The following TULP2 variants were observed in gnomAD, a reference collection of about 807,000 sequenced individuals.
The protein encoded by TULP2 is TUB like protein 2, also known as tubby-related protein 2.
Under a neutral mutation model 60.3 loss-of-function variants are expected in TULP2, and 64 were observed. The ratio of observed to expected loss-of-function variants is 1.06; its 90% CI spans 0.87 to 1.31. The LOEUF (loss-of-function observed/expected upper bound fraction) is 1.31, where lower values mean the gene tolerates loss of function less well. Ranked by LOEUF, TULP2 falls within the 50% of genes most tolerant of loss-of-function variation. The pLI is 0.00. For synonymous variants in TULP2, 267 were observed against 265.4 expected (o/e 1.01, Z -0.06); for missense variants, 652 against 667.0 (o/e 0.98, Z 0.25).
At chr19:48,892,122 C>T (rs754844625) in intron 6 of TULP2, among the ~76,000 whole-genome samples, 3 of 152,174 alleles carry the variant, frequency 2.0e-5, no homozygotes, top group Non-Finnish European at 2.9e-5. Flanking sequence ...TTATCTTAAC[C>T]GCATGGAGGC....
At chr19:48,884,137 C>A in intron 9 of TULP2, 91 bp from the exon 10 acceptor site, 1 of 1,041,896 alleles carries the variant, frequency 9.6e-7, no homozygotes, top group Non-Finnish European at 1.4e-6. Flanking sequence ...CCCATCAATC[C>A]CCTATGTCTA....
chr19:48,892,780 C>T (rs554514105), intron 6 of TULP2, among the ~76,000 whole-genome samples: 2 of 152,116 alleles, frequency 1.3e-5, no homozygotes, highest in East Asian at 1.9e-4. Context: ...CGTGAGCCAC[C>T]GCGCCCAGCC....
Position 48,896,497 on chromosome 19 carries a change from G to C in TULP2, c.144C>G (p.Ala48=). ...AAAGCCACGGGGAAGCGTCAGGATT[G>C]GCCTGAACCATGAGGAGCTCCTGGC... The part of the protein sequence containing the change: ...QKRQELLMVQ[A]NPDASPWLWR... Residue 48 remains alanine (A), a synonymous_variant, in exon 4 of 13, where the codon GCC becomes GCG. Transcript: ENST00000221399. The C allele has an allele frequency of 6.2e-7, 1 of 1,610,632 alleles. No individual in the cohort carries two copies. Among genetic ancestry groups the C allele is most frequent in the Non-Finnish European group, 8.5e-7 (1 of 1,178,608 alleles).
At chr19:48,881,924 C>T (rs2037136360) in intron 12 of TULP2, 108 bp downstream of exon 12, 3 of 1,464,234 alleles carry the variant, frequency 2.0e-6, no homozygotes, top group Non-Finnish European at 2.8e-6. Flanking sequence ...GTGGCATCTG[C>T]CCTGCCTAGA....
At chr19:48,887,485 C>T (rs2037191867) in intron 8 of TULP2, among the ~76,000 whole-genome samples, 2 of 151,498 alleles carry the variant, frequency 1.3e-5, no homozygotes, top group Admixed American at 1.3e-4. Flanking sequence ...CCACCATGCC[C>T]AACCAATTTT....
chr19:48,884,592 G>A (rs2037163048), intron 9 of TULP2, among the ~76,000 whole-genome samples: 1 of 151,992 alleles, frequency 6.6e-6, no homozygotes. Flanking sequence ...CAGACATGGA[G>A]AAACCCCGTC....
At chr19:48,892,211 C>T (rs1012837389) in intron 6 of TULP2, among the ~76,000 whole-genome samples, 1 of 152,220 alleles carries the variant, frequency 6.6e-6, no homozygotes, top group Non-Finnish European at 1.5e-5. Context: ...TTTCCCTTCC[C>T]ACGAGGCCAT....
chr19:48,894,235 G>A (rs1005331964), intron 6 of TULP2, among the ~76,000 whole-genome samples: 10 of 151,872 alleles, frequency 6.6e-5, no homozygotes, highest in African/African-American at 1.2e-4. Flanking sequence ...GTTTCGTCAC[G>A]TTGGCCAGGC....
intron 8 of TULP2, among the ~76,000 whole-genome samples, chr19:48,887,300 C>A (rs1386017951): frequency 9.2e-6 from 1 of 109,006 alleles, no homozygotes. Context: ...TGTGAGCCAC[C>A]GCGCCCAGCC....
intron 6 of TULP2, among the ~76,000 whole-genome samples, chr19:48,892,654 C>G (rs2037244193): frequency 1.3e-5 from 2 of 151,950 alleles, no homozygotes; most frequent in African/African-American, 4.8e-5. Flanking sequence ...CAGGCGCCCA[C>G]CACCGCAACC....
intron 6 of TULP2, among the ~76,000 whole-genome samples, chr19:48,890,059 G>C (rs2037218463): frequency 6.6e-6 from 1 of 152,086 alleles, no homozygotes; most frequent in Admixed American, 6.6e-5. Flanking sequence ...ACCCGTAAAG[G>C]GTCTGTGCTG....
intron 11 of TULP2, among the ~76,000 whole-genome samples, chr19:48,882,619 C>G (rs1324637802): frequency 6.6e-6 from 1 of 152,100 alleles, no homozygotes; most frequent in Non-Finnish European, 1.5e-5. Flanking sequence ...TTGGCTGGAA[C>G]GGGACCTCAC....
intron 6 of TULP2, among the ~76,000 whole-genome samples, chr19:48,891,428 C>CA (rs1180764676): frequency 6.6e-6 from 1 of 151,994 alleles, no homozygotes; most frequent in Non-Finnish European, 1.5e-5. Context: ...GTCAGTAGTT[C>CA]AAAATCAGCC....
chr19:48,883,374 T>G (rs2037152028), intron 11 of TULP2, among the ~76,000 whole-genome samples: 1 of 152,146 alleles, frequency 6.6e-6, no homozygotes, highest in African/African-American at 2.4e-5. Flanking sequence ...CCAGCTGGCC[T>G]CAAGGCTGCT....
chr19:48,892,820 A>G (rs1381349533), intron 6 of TULP2, among the ~76,000 whole-genome samples: 1 of 152,072 alleles, frequency 6.6e-6, no homozygotes, highest in Non-Finnish European at 1.5e-5. Context: ...GTACAGATCA[A>G]AATGGAGTTT....
rs575577268 is a variant in TULP2 at position 48,896,553 on chromosome 19, G to T, written c.88C>A (p.Arg30=). The change falls in exon 4 of 13, where the codon CGG becomes AGG. Residue 30 remains arginine (R), a synonymous_variant. Coordinates refer to ENST00000221399, the MANE Select transcript of TULP2 (RefSeq NM_003323.3). ...TGTCGCTGCTTCTTTTCAAACAGCCGCCGCTGGGGAGATGGGAGAGGTGGG... is the reference window on the plus strand; with the variant it reads ...TGTCGCTGCTTCTTTTCAAACAGCCTCCGCTGGGGAGATGGGAGAGGTGGG... ...MRLQKLEQQR[R]LFEKKQRQKR... 9.8e-5 allele frequency: 157 copies of T among 1,597,026 alleles called. No homozygotes were observed. Among genetic ancestry groups the T allele is most frequent in the Non-Finnish European group, 1.3e-4 (157 of 1,171,892 alleles).
chr19:48,893,051 T>C (rs2037248070), intron 6 of TULP2, among the ~76,000 whole-genome samples: 1 of 151,734 alleles, frequency 6.6e-6, no homozygotes, highest in Non-Finnish European at 1.5e-5. Flanking sequence ...AAGACCAGCC[T>C]AGGCAACATA....
At position 48,883,963 on chromosome 19, in the gene TULP2, C is replaced by T. The variant is rs755743192; in HGVS notation, c.1145G>A (p.Arg382Gln). The change falls in exon 10 of 13, where the codon CGG becomes CAG. Residue 382 changes from arginine (R) to glutamine (Q), a missense_variant. By Grantham distance (43) the Arg-to-Gln change is conservative. Transcript: ENST00000221399. ...CACAGCCCCCAGCTCCTGTCTGATC[C>T]GGGCAGTATTCCTGGTTAAATGCTC... ...DREHLTRNTA[R>Q]IRQELGAVCY... The T allele has an allele frequency of 2.2e-5, 36 of 1,614,128 alleles. No individual in the cohort carries two copies. The East Asian group carries it at 3.1e-4, about 14-fold the overall frequency.
intron 11 of TULP2, among the ~76,000 whole-genome samples, chr19:48,883,284 G>A (rs936634139): frequency 6.6e-6 from 1 of 150,984 alleles, no homozygotes; most frequent in Non-Finnish European, 1.5e-5. Context: ...TCTGGGAATT[G>A]CCCACCCCTT....
Sources: gnomAD v4.1 joint callset for allele counts (sites outside exome capture counted in the v4.1 genomes callset) on GRCh38, gnomAD v4.1.1 for gene constraint, MANE v1.5 for transcripts, NCBI Gene and HGNC (gene_info 2026-07-23, HGNC 2026-07-21) for gene names.